The following NRXN1 variants were observed in gnomAD, a reference collection of about 807,000 sequenced individuals.
The protein encoded by NRXN1 is neurexin 1.
In NRXN1, 39 loss-of-function variants were observed where a neutral mutation model predicts 150.9. The ratio of observed to expected loss-of-function variants is 0.26; its 90% confidence interval spans 0.20 to 0.34. The LOEUF (loss-of-function observed/expected upper bound fraction) is 0.34. NRXN1 is among the 10% of genes least tolerant of loss of function. NRXN1 has a pLI of 1.00. For synonymous variants in NRXN1, 924 were observed against 757.0 expected, an observed-to-expected ratio of 1.22 and a Z score of -3.62; for missense variants, 1,815 against 1,949.9, an observed-to-expected ratio of 0.93 and a Z score of 1.30.
At chr2:50,341,982 A>G (rs2077578645) in intron 17 of NRXN1, among the ~76,000 whole-genome samples, 1 of 152,220 alleles carries the variant, frequency 6.6e-6, no homozygotes, top group South Asian at 2.1e-4. Flanking sequence ...ACTCTTTCCA[A>G]CAATAGCTTG....
intron 2 of NRXN1, among the ~76,000 whole-genome samples, chr2:51,002,858 G>A (rs17514717): frequency 0.22 from 33,680 of 151,780 alleles, 4,056 homozygotes; most frequent in Non-Finnish European, 0.28. Flanking sequence ...AATAAGAAGT[G>A]GCTGCAGTAG....
intron 2 of NRXN1, among the ~76,000 whole-genome samples, chr2:51,004,694 G>C (rs1022692154): frequency 1.3e-5 from 2 of 151,772 alleles, no homozygotes; most frequent in Non-Finnish European, 2.9e-5. Context: ...AGGGACTCGG[G>C]GGTATGATTC....
intron 17 of NRXN1, among the ~76,000 whole-genome samples, chr2:50,259,980 G>C (rs1357108015): frequency 6.6e-6 from 1 of 151,746 alleles, no homozygotes; most frequent in Non-Finnish European, 1.5e-5. Flanking sequence ...ATGAAATTGG[G>C]TTATCTGCAC....
intron 21 of NRXN1, among the ~76,000 whole-genome samples, chr2:50,038,707 A>T (rs1558746907): frequency 6.6e-6 from 1 of 152,050 alleles, no homozygotes; most frequent in Non-Finnish European, 1.5e-5. Context: ...ACCACCTAAA[A>T]TATAGAAAAG....
At chr2:50,760,793 T>C (rs1032875514) in intron 5 of NRXN1, among the ~76,000 whole-genome samples, 1 of 151,868 alleles carries the variant, frequency 6.6e-6, no homozygotes, top group African/African-American at 2.4e-5. Context: ...CCGAGGCAGA[T>C]GTGGTAAGCA....
At chr2:50,236,627 C>A (rs2065460989) in intron 18 of NRXN1, among the ~76,000 whole-genome samples, 162 bp downstream of exon 18, 1 of 150,664 alleles carries the variant, frequency 6.6e-6, no homozygotes, top group African/African-American at 2.4e-5. Context: ...TTAACTACAG[C>A]AATAGGTATA....
intron 5 of NRXN1, among the ~76,000 whole-genome samples, chr2:50,847,956 G>T (rs186370164): frequency 1.3e-5 from 2 of 152,096 alleles, no homozygotes; most frequent in Non-Finnish European, 1.5e-5. Flanking sequence ...CATTCTCCTA[G>T]CCCACATATG....
chr2:50,998,830 TAGTAC>T (rs1169597843), intron 2 of NRXN1, among the ~76,000 whole-genome samples: 1 of 152,086 alleles, frequency 6.6e-6, no homozygotes, highest in Non-Finnish European at 1.5e-5. Flanking sequence ...TTTGCACATA[TAGTAC>T]AGTATAAACT....
intron 8 of NRXN1, among the ~76,000 whole-genome samples, chr2:50,555,288 A>G (rs1668067304): frequency 6.6e-6 from 1 of 152,168 alleles, no homozygotes; most frequent in African/African-American, 2.4e-5. Flanking sequence ...TGACATGAAC[A>G]AGTGGGTTTT....
chr2:50,168,813 T>C (rs777775004), intron 18 of NRXN1, among the ~76,000 whole-genome samples: 4 of 152,204 alleles, frequency 2.6e-5, no homozygotes, highest in Admixed American at 6.5e-5. Flanking sequence ...GACTCTTGCT[T>C]GAAATTCAAG....
At chr2:50,370,857 C>A (rs908649414) in intron 17 of NRXN1, among the ~76,000 whole-genome samples, 18 of 152,028 alleles carry the variant, frequency 1.2e-4, no homozygotes, top group African/African-American at 4.1e-4. Context: ...CTTGCTAAGA[C>A]TGAAAATTAC....
chr2:50,498,210 A>G (rs945197619), intron 13 of NRXN1, among the ~76,000 whole-genome samples: 1 of 152,186 alleles, frequency 6.6e-6, no homozygotes, highest in Non-Finnish European at 1.5e-5. Context: ...TATACCCAGT[A>G]GAAAGAGTGG....
intron 17 of NRXN1, among the ~76,000 whole-genome samples, chr2:50,329,659 ATATATATATATATAT>A (rs1473642807): frequency 0.016 from 347 of 22,118 alleles, 20 homozygotes; most frequent in East Asian, 0.044. Flanking sequence ...ATATATATAT[ATATATATATATATAT>A]TTTTTTTTTT....
intron 18 of NRXN1, among the ~76,000 whole-genome samples, chr2:50,181,438 C>T (rs953765395): frequency 7.2e-5 from 11 of 152,086 alleles, no homozygotes; most frequent in African/African-American, 2.7e-4. Flanking sequence ...TAGGTAGATG[C>T]GGCATTATCT....
chr2:50,919,156 T>C (rs1685634897), intron 5 of NRXN1: 1 of 151,682 alleles, frequency 6.6e-6, no homozygotes, highest in African/African-American at 2.4e-5. Flanking sequence ...ACAGCAGTGG[T>C]CTCTAACATG....
chr2:50,817,766 T>G (rs535700811), intron 5 of NRXN1, among the ~76,000 whole-genome samples: 1 of 152,002 alleles, frequency 6.6e-6, no homozygotes, highest in Non-Finnish European at 1.5e-5. Context: ...TCTCAATAGA[T>G]GCAGGGGGTA....
chr2:50,405,304 A>C (rs2082682566), intron 17 of NRXN1, among the ~76,000 whole-genome samples: 1 of 152,086 alleles, frequency 6.6e-6, no homozygotes. Flanking sequence ...GGCAAATAAA[A>C]ATTTGTTCAA....
intron 8 of NRXN1, among the ~76,000 whole-genome samples, chr2:50,559,037 GCA>G (rs1558936033): frequency 6.6e-6 from 1 of 152,112 alleles, no homozygotes; most frequent in Non-Finnish European, 1.5e-5. Context: ...AGCCGAGATC[GCA>G]CCACTGCACT....
At chr2:50,039,214 C>A (rs142887623) in intron 21 of NRXN1, among the ~76,000 whole-genome samples, 22 of 152,056 alleles carry the variant, frequency 1.4e-4, no homozygotes, top group African/African-American at 3.4e-4. Flanking sequence ...AAGAAACTTC[C>A]CAGCACTTTG....
Sources: allele counts gnomAD v4.1 joint callset (sites outside exome capture counted in the v4.1 genomes callset), GRCh38; gene constraint gnomAD v4.1.1; transcripts MANE v1.5; gene names NCBI Gene and HGNC (gene_info 2026-07-23, HGNC 2026-07-21).